Variants in CEP152 observed in about 807,000 individuals in gnomAD.
CEP152 encodes the protein centrosomal protein of 152 kDa.
A neutral mutation model predicts 188.9 loss-of-function variants in CEP152; 132 were observed. The ratio of observed to expected loss-of-function variants is 0.70; its 90% confidence interval spans 0.61 to 0.81. The LOEUF is 0.81. Among genes scored for constraint, CEP152 ranks in the 30% least tolerant of loss-of-function variants. The pLI is 0.00. For missense variants in CEP152, 1,914 were observed against 1,969.8 expected (o/e 0.97, Z 0.54); for synonymous variants, 649 against 666.6 (o/e 0.97, Z 0.41).
intron 14 of CEP152, among the ~76,000 whole-genome samples, chr15:48,768,700 C>T (rs1224197048): frequency 6.6e-6 from 1 of 152,134 alleles, no homozygotes; most frequent in Non-Finnish European, 1.5e-5. Flanking sequence ...CAAGAGCTGG[C>T]TAAGGAGGAA....
intron 22 of CEP152, among the ~76,000 whole-genome samples, chr15:48,746,827 G>A (rs1398129725): frequency 6.6e-6 from 1 of 152,176 alleles, no homozygotes; most frequent in Non-Finnish European, 1.5e-5. Flanking sequence ...TGTATAACAG[G>A]AGGACTAAAC....
chr15:48,791,588 G>A (rs1268960889), intron 7 of CEP152, among the ~76,000 whole-genome samples: 3 of 151,948 alleles, frequency 2.0e-5, no homozygotes, highest in South Asian at 4.2e-4. Context: ...TCACTCCGTC[G>A]CCCAGGCTGG....
At chr15:48,799,279 CA>C (rs948307259) in intron 2 of CEP152, among the ~76,000 whole-genome samples, 30 of 145,142 alleles carry the variant, frequency 2.1e-4, no homozygotes, top group African/African-American at 5.0e-4. Context: ...TAAGAATTAC[CA>C]AAAAAAAAAG....
At chr15:48,745,726 A>T (rs924749291) in intron 22 of CEP152, among the ~76,000 whole-genome samples, 2 of 152,176 alleles carry the variant, frequency 1.3e-5, no homozygotes, top group African/African-American at 4.8e-5. Context: ...GAGGAAACTG[A>T]TAAGAGTCCA....
intron 17 of CEP152, 80 bp downstream of exon 17, chr15:48,766,980 A>G: frequency 6.3e-7 from 1 of 1,580,006 alleles, no homozygotes. Context: ...ACTTCTCTAG[A>G]ACAAATGTAT....
At position 48,744,953 on chromosome 15, in the gene CEP152, T is replaced by C; in HGVS notation, c.3674A>G (p.Asn1225Ser). The C allele has an allele frequency of 6.2e-7, 1 of 1,610,586 alleles. No homozygotes were observed. The highest frequency in any genetic ancestry group is 8.5e-7 in the Non-Finnish European group (1 of 1,178,698). Residue 1225 changes from asparagine to serine, a missense_variant, in exon 23 of 27, where the codon AAC becomes AGC. Coordinates refer to ENST00000380950, the MANE Select transcript of CEP152 (RefSeq NM_001194998.2). ...NKVVEELIEE[N>S]NDMKNKLEEL... Reference sequence around the variant, plus strand: ...TTCCAATTTATTCTTCATGTCGTTGTTTTCTTCTATTAATTCTTCAACAAC... The same window carrying C: ...TTCCAATTTATTCTTCATGTCGTTGCTTTCTTCTATTAATTCTTCAACAAC...
intron 5 of CEP152, among the ~76,000 whole-genome samples, chr15:48,796,605 GAAT>G (rs1897315484): frequency 6.6e-6 from 1 of 152,078 alleles, no homozygotes; most frequent in Non-Finnish European, 1.5e-5. Context: ...CTTATGGGAT[GAAT>G]AATAACATTC....
chr15:48,767,582 T>A, intron 15 of CEP152, 119 bp from the exon 16 acceptor site: 1 of 1,353,170 alleles, frequency 7.4e-7, no homozygotes, highest in Non-Finnish European at 1.0e-6. Context: ...TGAGGTCAGA[T>A]AACTTTTCCC....
rs747436177 is a variant in CEP152 at position 48,787,163 on chromosome 15, G to GTTTTT, written c.1173+1633_1173+1637dup. On this transcript the variant is annotated intron_variant, in intron 9 of 26. Transcript: ENST00000380950. Reference sequence around the variant, plus strand: ...TTTTCAATAATTTGGTATAGCCTTCGTTTTTTTTTTTTTTTTTTTCTGGAA... The same window carrying GTTTTT: ...TTTTCAATAATTTGGTATAGCCTTCGTTTTTTTTTTTTTTTTTTTTTTTTCTGGAA... 4.7e-4 allele frequency among the ~76,000 whole-genome samples: 48 copies of GTTTTT among 101,520 alleles called. 8 individuals carry two copies. The highest frequency in any genetic ancestry group is 6.6e-4 in the Non-Finnish European group (35 of 53,412). 66.6% of individuals were successfully genotyped at this position (101,520 alleles called of 152,430 possible). A position where few individuals can be genotyped will look rare whatever the true frequency, so the allele number is the denominator to read the frequency against.
intron 17 of CEP152, among the ~76,000 whole-genome samples, chr15:48,763,980 CA>C (rs1323836912): frequency 6.6e-6 from 1 of 151,992 alleles, no homozygotes; most frequent in Non-Finnish European, 1.5e-5. Flanking sequence ...AAGAAGTGCC[CA>C]AAAAACTTGT....
Position 48,766,787 on chromosome 15 carries a change from CT to C in CEP152, c.2280+272del, listed in dbSNP as rs78892042. On this transcript the variant is annotated intron_variant, in intron 17 of 26. Coordinates refer to ENST00000380950, the MANE Select transcript of CEP152 (RefSeq NM_001194998.2). ...TTTCAGATTTAAAGTGACACTGATC[CT>C]TTTTTTTTTTTTGCCCTTTAGAATA... Among the ~76,000 whole-genome samples, 458 of 137,510 alleles carry C rather than the reference CT, an allele frequency of 3.3e-3. No homozygotes were observed. Among genetic ancestry groups the C allele is most frequent in the Non-Finnish European group, 3.3e-3 (206 of 63,098 alleles). The allele number at this position is 137,510 out of a possible 152,430, so 90.2% of individuals were successfully genotyped here.
chr15:48,756,398 C>T lies in CEP152; in HGVS notation c.2850G>A (p.Arg950=). The change falls in exon 20 of 27, where the codon AGG becomes AGA. Residue 950 remains arginine (R), a synonymous_variant. Transcript: ENST00000380950. ...CACTCCGAGCCTTAGCTAACTCAGCCCTGATGACCACAGGGACTTCTTCGT... is the reference window on the plus strand; with the variant it reads ...CACTCCGAGCCTTAGCTAACTCAGCTCTGATGACCACAGGGACTTCTTCGT... ...LKNEEVPVVI[R]AELAKARSEW... 6.2e-7 allele frequency: 1 copy of T among 1,611,158 alleles called. No homozygotes were observed. Among genetic ancestry groups the T allele is most frequent in the African/African-American group, 1.3e-5 (1 of 74,860 alleles).
In CEP152 at chr15:48,788,825, G is replaced by A; in HGVS notation, c.1149C>T (p.Ala383=). 1 of 1,614,128 alleles carries A rather than the reference G, an allele frequency of 6.2e-7. No homozygotes were observed. Among genetic ancestry groups the A allele is most frequent in the South Asian group, 1.1e-5 (1 of 91,074 alleles). Residue 383 remains alanine, a synonymous_variant, in exon 9 of 27, where the codon GCC becomes GCT. Coordinates refer to ENST00000380950, the MANE Select transcript of CEP152 (RefSeq NM_001194998.2). ...QVLSLQKNLD[A]TVTALKEQED... ...CCTGTTCTTTAAGTGCGGTGACTGT[G>A]GCATCCAAATTCTTTTGTAAGGACA...
chr15:48,793,748 G>A (rs984324088), intron 6 of CEP152, among the ~76,000 whole-genome samples: 3 of 152,142 alleles, frequency 2.0e-5, no homozygotes, highest in African/African-American at 7.2e-5. Context: ...CTTACAGTGG[G>A]TCACTGATAG....
At chr15:48,733,879 G>C (rs933737778), downstream of CEP152, among the ~76,000 whole-genome samples, 1 of 152,084 alleles carries the variant, frequency 6.6e-6, no homozygotes, top group Non-Finnish European at 1.5e-5. Context: ...GAGGAAAAAA[G>C]TCAACCGAGA....
chr15:48,780,142 A>T (rs912432554), intron 12 of CEP152, among the ~76,000 whole-genome samples: 1 of 152,234 alleles, frequency 6.6e-6, no homozygotes, highest in Non-Finnish European at 1.5e-5. Flanking sequence ...TGGTCCTGGG[A>T]TAAGAACTTG....
chr15:48,797,459 C>T lies in CEP152; in HGVS notation c.382G>A (p.Gly128Ser), dbSNP rs1201577093. Reference protein sequence around the residue: ...VYHPEEGGDEGGSGYSPPSKC... With the variant: ...VYHPEEGGDESGSGYSPPSKC... ...CTTGGAGGACTATAACCACTTCCACCTTCATCTCCACCTTCTTCAGGATGG... is the reference window on the plus strand; with the variant it reads ...CTTGGAGGACTATAACCACTTCCACTTTCATCTCCACCTTCTTCAGGATGG... Residue 128 changes from glycine (G) to serine (S), a missense_variant, in exon 5 of 27, where the codon GGT becomes AGT. By Grantham distance (56) the Gly-to-Ser change is moderately conservative (BLOSUM62 0). Coordinates refer to ENST00000380950, the MANE Select transcript of CEP152 (RefSeq NM_001194998.2). 2 of 1,614,066 alleles carry T rather than the reference C, an allele frequency of 1.2e-6. No homozygotes were observed. Among genetic ancestry groups the T allele is most frequent in the African/African-American group, 2.7e-5 (2 of 74,940 alleles).
chr15:48,767,322 T>C lies in CEP152; in HGVS notation c.2147+13A>G, dbSNP rs1431185190. On this transcript the variant is annotated intron_variant, in intron 16 of 26. Transcript: ENST00000380950. ...TCTACAGCTTAAAAGGCAGCTAAACTCTTTATTCTCACCTCAGTTGCAAAT... is the reference window on the plus strand; with the variant it reads ...TCTACAGCTTAAAAGGCAGCTAAACCCTTTATTCTCACCTCAGTTGCAAAT... 1 of 1,614,212 alleles carries C rather than the reference T, an allele frequency of 6.2e-7. No individual in the cohort carries two copies. The highest frequency in any genetic ancestry group is 1.1e-5 in the South Asian group (1 of 91,088).
At chr15:48,781,431 A>C in intron 11 of CEP152, 72 bp from the exon 12 acceptor site, 11 of 1,306,894 alleles carry the variant, frequency 8.4e-6, no homozygotes, top group Non-Finnish European at 1.1e-5. Flanking sequence ...TCTGTTTCAA[A>C]ATTTGTTTTA....
Sources: allele counts gnomAD v4.1 joint callset (sites outside exome capture counted in the v4.1 genomes callset), GRCh38; gene constraint gnomAD v4.1.1; transcripts MANE v1.5; gene names NCBI Gene and HGNC (gene_info 2026-07-23, HGNC 2026-07-21).